Variants in FBXO41 observed in about 807,000 individuals in gnomAD.
FBXO41 encodes the protein F-box protein 41.
FBXO41 carries 33 observed loss-of-function variants against 81.6 expected under a neutral mutation model. The ratio of observed to expected loss-of-function variants is 0.40; its 90% confidence interval spans 0.31 to 0.54. The LOEUF is 0.54. Among genes scored for constraint, FBXO41 ranks in the 20% least tolerant of loss-of-function variants. The pLI is 0.39. For missense variants in FBXO41, 1,107 were observed against 1,236.0 expected (o/e 0.90, Z 1.56); for synonymous variants, 576 against 552.7 (o/e 1.04, Z -0.59).
At chr2:73,262,216 C>G (rs1283512992) in intron 9 of FBXO41, among the ~76,000 whole-genome samples, 2 of 147,382 alleles carry the variant, frequency 1.4e-5, no homozygotes, top group Admixed American at 6.8e-5. Context: ...GAGCAAGACT[C>G]TGTCTCAAAA....
intron 1 of FBXO41, chr2:73,270,771 G>C (rs1688468367): frequency 3.8e-6 from 2 of 532,268 alleles, no homozygotes; most frequent in African/African-American, 1.9e-5. Flanking sequence ...CTCCATCTCT[G>C]GCTTCTTGTC....
rs1688162291 is a variant in FBXO41, at chr2:73,264,612, A to G, written c.1565-93T>C. 4.5e-6 allele frequency: 7 copies of G among 1,544,356 alleles called. No homozygotes were observed. The African/African-American group carries it at 5.4e-5, about 12-fold the overall frequency. Reference sequence around the variant, plus strand: ...AGCTGGGGCAGGGTAGGATCTGCAGAGGAATGGACATGCTGTGGTACCAGG... The same window carrying G: ...AGCTGGGGCAGGGTAGGATCTGCAGGGGAATGGACATGCTGTGGTACCAGG... On this transcript the variant is annotated intron_variant, in intron 5 of 12. Transcript: ENST00000520530.
chr2:73,269,500 G>T lies in FBXO41; in HGVS notation c.131C>A (p.Thr44Asn). 7.4e-7 allele frequency: 1 copy of T among 1,346,930 alleles called. No homozygotes were observed. Among genetic ancestry groups the T allele is most frequent in the East Asian group, 3.8e-5 (1 of 26,256 alleles). The allele number at this position is 1,346,930 out of a possible 1,614,324, so 83.4% of individuals were successfully genotyped here. Reference protein sequence around the residue: ...TYETLYILSKTNSICDGAAAA... With the variant: ...TYETLYILSKNNSICDGAAAA... Reference sequence around the variant, plus strand: ...GGCGGCGCCGTCGCAGATGCTGTTGGTCTTGGAGAGGATGTAGAGCGTCTC... The same window carrying T: ...GGCGGCGCCGTCGCAGATGCTGTTGTTCTTGGAGAGGATGTAGAGCGTCTC... Residue 44 changes from threonine to asparagine, a missense_variant, in exon 2 of 13, where the codon ACC becomes AAC. By Grantham distance (65) the Thr-to-Asn change is moderately conservative. Transcript: ENST00000520530. The surrounding 1 kb of genome is among the most constrained non-coding windows in gnomAD (Gnocchi z 7.0).
Position 73,266,629 on chromosome 2 carries a change from C to T in FBXO41, c.959G>A (p.Ser320Asn). Reference protein sequence around the residue: ...FLKETAAREASAKLRLQQFIE... With the variant: ...FLKETAAREANAKLRLQQFIE... ...GAACTGCTGCAGCCGCAGCTTGGCG[C>T]TGGCCTCCCGCGCCGCCGTCTCCTT... The change falls in exon 3 of 13, where the codon AGC (serine) becomes AAC (asparagine). Residue 320 changes from serine to asparagine, a missense_variant. Physicochemically the swap from Ser to Asn is conservative, Grantham distance 46. Around this residue, in one of 2 missense-constraint regions of FBXO41, gnomAD observed 771 missense variants for 789.2 expected, o/e 0.98. Transcript: ENST00000520530. This position sits in a 1 kb window ranked among gnomAD's most constrained non-coding sequence, Gnocchi z 5.3. 1 of 1,608,510 alleles carries T rather than the reference C, an allele frequency of 6.2e-7. No individual in the cohort carries two copies. Among genetic ancestry groups the T allele is most frequent in the Non-Finnish European group, 8.5e-7 (1 of 1,177,660 alleles).
chr2:73,275,080 A>G (rs1381665208), intron 1 of FBXO41, among the ~76,000 whole-genome samples: 1 of 150,836 alleles, frequency 6.6e-6, no homozygotes, highest in Non-Finnish European at 1.5e-5. Flanking sequence ...TAGTAGAGAC[A>G]GGGTTTCACT....
At chr2:73,281,419 T>G (rs2103920570) in intron 1 of FBXO41, among the ~76,000 whole-genome samples, 1 of 152,288 alleles carries the variant, frequency 6.6e-6, no homozygotes, top group East Asian at 1.9e-4. Context: ...GAGACATGCC[T>G]CCCAGTATTC....
rs1362877867 is a variant in FBXO41 at position 73,279,838 on chromosome 2, T to C, written c.-139+4322A>G. ...CTTCTTAAGGCTAACCTAATTTTAC[T>C]GTATATCTTCACTTCCGCAGGCCCG... On this transcript the variant is annotated intron_variant, in intron 1 of 12. Transcript: ENST00000520530. Among the ~76,000 whole-genome samples the C allele has an allele frequency of 3.3e-5, 5 of 152,238 alleles. No homozygotes were observed. In the East Asian group the frequency reaches 7.7e-4, roughly 23 times the overall value.
chr2:73,265,645 G>T lies in FBXO41; in HGVS notation c.1206-5C>A. 1 of 1,502,734 alleles carries T rather than the reference G, an allele frequency of 6.7e-7. No individual in the cohort carries two copies. Among genetic ancestry groups the T allele is most frequent in the Non-Finnish European group, 8.9e-7 (1 of 1,125,536 alleles). 93.1% of individuals were successfully genotyped at this position (1,502,734 alleles called of 1,614,324 possible). ...GCTGGCACACGGCTGGAGGCCCTGGGGCAGGGTGGACCACACAGTAAGGGG... is the reference window on the plus strand; with the variant it reads ...GCTGGCACACGGCTGGAGGCCCTGGTGCAGGGTGGACCACACAGTAAGGGG... On this transcript the variant is annotated splice_region_variant and splice_polypyrimidine_tract_variant and intron_variant, in intron 4 of 12. Coordinates refer to ENST00000520530, the MANE Select transcript of FBXO41 (RefSeq NM_001371389.2).
At chr2:73,273,733 T>G (rs1437938460) in intron 1 of FBXO41, among the ~76,000 whole-genome samples, 2 of 152,204 alleles carry the variant, frequency 1.3e-5, no homozygotes, top group Non-Finnish European at 2.9e-5. Flanking sequence ...TGCCTGAAGC[T>G]CTAACCCAGG....
At position 73,259,108 on chromosome 2, in the gene FBXO41, C is replaced by G. The variant is rs577351688; in HGVS notation, c.2566-64G>C. The G allele has an allele frequency of 6.2e-7, 1 of 1,610,092 alleles. No individual in the cohort carries two copies. The highest frequency in any genetic ancestry group is 1.1e-5 in the South Asian group (1 of 90,716). On this transcript the variant is annotated intron_variant, in intron 12 of 12. Coordinates refer to ENST00000520530, the MANE Select transcript of FBXO41 (RefSeq NM_001371389.2). The surrounding 1 kb of genome is among the most constrained non-coding windows in gnomAD (Gnocchi z 4.2). ...AGGCAGGTGGGGCCCTCCTGCCACA[C>G]TCACCCAGGTCACCAGCCCCAGTCT...
intron 1 of FBXO41, among the ~76,000 whole-genome samples, chr2:73,275,705 C>T (rs959185811): frequency 1.3e-5 from 2 of 152,130 alleles, no homozygotes; most frequent in African/African-American, 4.8e-5. Context: ...TTGCCCTGTC[C>T]CCACTATTGG....
In FBXO41 at chr2:73,269,585, G is replaced by A; in HGVS notation, c.46C>T (p.His16Tyr). ...LPYRCPRCGE[H>Y]KRFRSLSSLR... is the part of the protein sequence containing the mutation. ...GACGACAGGCTCCGGAAGCGCTTGT[G>A]CTCCCCGCAGCGGGGGCAGCGGTAC... The change falls in exon 2 of 13, where the codon CAC becomes TAC. Residue 16 changes from histidine to tyrosine, a missense_variant. By Grantham distance (83) the His-to-Tyr change is moderately conservative (BLOSUM62 2). Around this residue, in one of 2 missense-constraint regions of FBXO41, gnomAD observed 771 missense variants for 789.2 expected, o/e 0.98. Transcript: ENST00000520530. This position sits in a 1 kb window ranked among gnomAD's most constrained non-coding sequence, Gnocchi z 7.0. 4.5e-6 allele frequency: 6 copies of A among 1,325,966 alleles called. No homozygotes were observed. Among genetic ancestry groups the A allele is most frequent in the Non-Finnish European group, 5.8e-6 (6 of 1,027,888 alleles). 82.1% of individuals were successfully genotyped at this position (1,325,966 alleles called of 1,614,324 possible). A position where few individuals can be genotyped will look rare whatever the true frequency, so the allele number is the denominator to read the frequency against.
chr2:73,265,093 G>A (rs572205117), intron 5 of FBXO41, among the ~76,000 whole-genome samples, 189 bp downstream of exon 5: 34 of 152,266 alleles, frequency 2.2e-4, no homozygotes, highest in Admixed American at 7.2e-4. Flanking sequence ...TGGCATCCTT[G>A]TGCAACAGAC....
chr2:73,264,406 T>C lies in FBXO41; in HGVS notation c.1678A>G (p.Ile560Val). 1 of 1,613,902 alleles carries C rather than the reference T, an allele frequency of 6.2e-7. No homozygotes were observed. Residue 560 changes from isoleucine (I) to valine (V), a missense_variant, in exon 6 of 13, where the codon ATC becomes GTC. Ile to Val is a conservative substitution (Grantham distance 29). Coordinates refer to ENST00000520530, the MANE Select transcript of FBXO41 (RefSeq NM_001371389.2). ...GTGCGCGTGTCCAGGTAGGTGAAGA[T>C]GCAGAAGAGGGCAGCTCGCATCTTC... ...ILKMRAALFC[I>V]FTYLDTRTLL...
chr2:73,275,646 A>G (rs1688661583), intron 1 of FBXO41, among the ~76,000 whole-genome samples: 1 of 151,800 alleles, frequency 6.6e-6, no homozygotes, highest in Non-Finnish European at 1.5e-5. Context: ...AGAATTCTCA[A>G]CTCATGGCCA....
Position 73,266,822 on chromosome 2 carries a change from A to G in FBXO41, c.906-140T>C, listed in dbSNP as rs924859483. The G allele has an allele frequency of 1.5e-6, 2 of 1,338,512 alleles. No homozygotes were observed. Among genetic ancestry groups the G allele is most frequent in the African/African-American group, 1.5e-5 (1 of 66,072 alleles). The allele number at this position is 1,338,512 out of a possible 1,614,324, so 82.9% of individuals were successfully genotyped here. A position where few individuals can be genotyped will look rare whatever the true frequency, so the allele number is the denominator to read the frequency against. ...TTATGGTCACATGGGTTCCTGCAGAACAGGCCTAGCACACAGCCCCGCACG... is the reference window on the plus strand; with the variant it reads ...TTATGGTCACATGGGTTCCTGCAGAGCAGGCCTAGCACACAGCCCCGCACG... On this transcript the variant is annotated intron_variant, in intron 2 of 12. Coordinates refer to ENST00000520530, the MANE Select transcript of FBXO41 (RefSeq NM_001371389.2). This position sits in a 1 kb window ranked among gnomAD's most constrained non-coding sequence, Gnocchi z 5.3.
In FBXO41 at chr2:73,260,441, C is replaced by A. The variant is rs920566626; in HGVS notation, c.2397G>T (p.Met799Ile). 2 of 1,610,064 alleles carry A rather than the reference C, an allele frequency of 1.2e-6. No homozygotes were observed. Residue 799 changes from methionine (M) to isoleucine (I), a missense_variant, in exon 11 of 13, where the codon ATG becomes ATT. Around this residue, in one of 2 missense-constraint regions of FBXO41, gnomAD observed 336 missense variants for 446.7 expected, o/e 0.75. Transcript: ENST00000520530. This position sits in a 1 kb window ranked among gnomAD's most constrained non-coding sequence, Gnocchi z 5.0. ...VCREGLKGLE[M>I]LVLTATPVTP... is the part of the protein sequence containing the mutation. Reference sequence around the variant, plus strand: ...TGACGGGAGTCGCCGTGAGCACCAGCATCTCCAGTCCCTTCAGGCCTTCCC... The same window carrying A: ...TGACGGGAGTCGCCGTGAGCACCAGAATCTCCAGTCCCTTCAGGCCTTCCC...
rs1412493301 is a variant in FBXO41, at chr2:73,269,451, A to AGCG, written c.177_179dup (p.Ala61dup). On this transcript the variant is annotated inframe_insertion, in exon 2 of 13. Transcript: ENST00000520530. The surrounding 1 kb of genome is among the most constrained non-coding windows in gnomAD (Gnocchi z 7.0). Reference sequence around the variant, plus strand: ...CGGGAGCCAGCGGGAACCCCGAGGCAGCGGCGGCGGCGGCCGCGGCGGCGG... The same window carrying AGCG: ...CGGGAGCCAGCGGGAACCCCGAGGCAGCGGCGGCGGCGGCGGCCGCGGCGGCGG... The AGCG allele has an allele frequency of 7.7e-6, 10 of 1,291,822 alleles. No individual in the cohort carries two copies. Among genetic ancestry groups the AGCG allele is most frequent in the African/African-American group, 6.3e-5 (4 of 63,768 alleles). The allele number at this position is 1,291,822 out of a possible 1,614,324, so 80.0% of individuals were successfully genotyped here.
rs921575520 is a variant in FBXO41 at position 73,258,740 on chromosome 2, G to A, written c.*242C>T. 22 of 470,540 alleles carry A rather than the reference G, an allele frequency of 4.7e-5. No individual in the cohort carries two copies. The highest frequency in any genetic ancestry group is 7.8e-5 in the African/African-American group (4 of 51,232). The allele number at this position is 470,540 out of a possible 1,614,324, so 29.1% of individuals were successfully genotyped here. ...GGCTGTGCCAGAGGCTACTCCAGCC[G>A]GGGTAGGGTGGGGGTCGGAGGGCAG... On this transcript the variant is annotated 3_prime_UTR_variant, in exon 13 of 13. Transcript: ENST00000520530.
Sources: allele counts gnomAD v4.1 joint callset (sites outside exome capture counted in the v4.1 genomes callset), GRCh38; gene constraint gnomAD v4.1.1; regional missense constraint gnomAD v4.1.1; non-coding constraint Gnocchi (gnomAD v3.1); transcripts MANE v1.5; gene names NCBI Gene and HGNC (gene_info 2026-07-23, HGNC 2026-07-21).